PLCL1: variants seen among roughly 807,000 people sequenced by gnomAD.
The protein encoded by PLCL1 is phospholipase C like 1 (inactive), also known as inactive phospholipase C-like protein 1.
A neutral mutation model predicts 84.4 loss-of-function variants in PLCL1; 41 were observed. That is an observed-to-expected ratio of 0.49 (90% confidence interval 0.38 to 0.63). PLCL1 has a LOEUF of 0.63. Ranked by LOEUF, PLCL1 falls within the 30% of genes least tolerant of loss-of-function variation. The probability of loss-of-function intolerance (pLI) is 0.00; values close to 1 mark genes in which losing one functional copy is unlikely to be tolerated. For synonymous variants in PLCL1, 490 were observed against 488.3 expected (o/e 1.00, Z -0.05); for missense variants, 1,206 against 1,367.8 (o/e 0.88, Z 1.87).
At chr2:197,924,716 G>A (rs1333669515) in intron 1 of PLCL1, among the ~76,000 whole-genome samples, 1 of 151,828 alleles carries the variant, frequency 6.6e-6, no homozygotes, top group Non-Finnish European at 1.5e-5. Flanking sequence ...AGCAACAGTT[G>A]AATTTAGCAT....
chr2:197,965,472 G>C (rs1017083927), intron 1 of PLCL1, among the ~76,000 whole-genome samples: 11 of 151,914 alleles, frequency 7.2e-5, no homozygotes, highest in Admixed American at 2.6e-4. Context: ...TCTGGCTAAA[G>C]TTTTGTTGAT....
At chr2:198,107,076 C>T (rs1484092961) in intron 5 of PLCL1, among the ~76,000 whole-genome samples, 1 of 151,836 alleles carries the variant, frequency 6.6e-6, no homozygotes, top group African/African-American at 2.4e-5. Context: ...AATTGTCTCA[C>T]AATTCAGCAT....
intron 1 of PLCL1, among the ~76,000 whole-genome samples, chr2:197,954,006 T>A (rs1348396541): frequency 6.6e-6 from 1 of 152,114 alleles, no homozygotes; most frequent in Non-Finnish European, 1.5e-5. Context: ...AATTTTGCCC[T>A]GTGTGTACAT....
chr2:198,018,745 A>G (rs751483151), intron 1 of PLCL1, among the ~76,000 whole-genome samples: 1 of 152,224 alleles, frequency 6.6e-6, no homozygotes, highest in Non-Finnish European at 1.5e-5. Flanking sequence ...GGGATTATGG[A>G]TAAAACTCCC....
intron 1 of PLCL1, among the ~76,000 whole-genome samples, chr2:198,071,440 T>C (rs1692461934): frequency 6.6e-6 from 1 of 151,894 alleles, no homozygotes; most frequent in African/African-American, 2.4e-5. Flanking sequence ...TCCAGAAAAG[T>C]TGTACAAGTT....
intron 1 of PLCL1, among the ~76,000 whole-genome samples, chr2:197,969,884 G>A (rs1689825818): frequency 6.6e-6 from 1 of 152,174 alleles, no homozygotes; most frequent in African/African-American, 2.4e-5. Context: ...AGAGTCTCCT[G>A]CTGACCTGCA....
intron 3 of PLCL1, among the ~76,000 whole-genome samples, chr2:198,099,308 G>A (rs1056869498): frequency 1.3e-5 from 2 of 151,902 alleles, no homozygotes; most frequent in Non-Finnish European, 2.9e-5. Flanking sequence ...AACTCAAATC[G>A]ACCATTTTTT....
At chr2:198,050,435 TAAGGGAAA>T (rs1438829840) in intron 1 of PLCL1, among the ~76,000 whole-genome samples, 2 of 150,420 alleles carry the variant, frequency 1.3e-5, no homozygotes, top group African/African-American at 2.5e-5. Flanking sequence ...AGGGGAGGAG[TAAGGGAAA>T]AAGGGAAAAG....
At chr2:197,908,984 A>G (rs960795514) in intron 1 of PLCL1, among the ~76,000 whole-genome samples, 4 of 152,216 alleles carry the variant, frequency 2.6e-5, no homozygotes, top group Admixed American at 6.5e-5. Context: ...AAAGTTATAG[A>G]AGAGAGGAGT....
Position 198,086,157 on chromosome 2 carries a change from T to C in PLCL1, c.2640T>C (p.Leu880=). The change falls in exon 2 of 6, where the codon CTT becomes CTC. Residue 880 remains leucine, a synonymous_variant. Transcript: ENST00000428675. ...REYTMLRNIG[L]KTIDDIFKIA... is the part of the protein sequence containing the mutation. ...ATACCATGCTCAGGAATATCGGTCT[T>C]AAAACCATTGATGACATCTTTAAAA... The C allele has an allele frequency of 6.2e-7, 1 of 1,613,912 alleles. No homozygotes were observed. Among genetic ancestry groups the C allele is most frequent in the Non-Finnish European group, 8.5e-7 (1 of 1,179,846 alleles).
intron 1 of PLCL1, among the ~76,000 whole-genome samples, chr2:197,873,576 A>G (rs947884982): frequency 2.6e-5 from 4 of 152,150 alleles, no homozygotes; most frequent in Non-Finnish European, 5.9e-5. Flanking sequence ...CATGCAAATA[A>G]CAGAACCCTT....
intron 1 of PLCL1, among the ~76,000 whole-genome samples, chr2:197,931,934 T>A (rs1018512412): frequency 6.6e-6 from 1 of 152,186 alleles, no homozygotes; most frequent in Non-Finnish European, 1.5e-5. Flanking sequence ...AATTTACATA[T>A]GTATATTCAA....
At chr2:198,049,827 A>C (rs1691885165) in intron 1 of PLCL1, among the ~76,000 whole-genome samples, 1 of 152,238 alleles carries the variant, frequency 6.6e-6, no homozygotes, top group African/African-American at 2.4e-5. Flanking sequence ...TGGGTGAGCC[A>C]GTGCCAGTAA....
chr2:197,958,206 C>A (rs1340835987), intron 1 of PLCL1, among the ~76,000 whole-genome samples: 1 of 151,744 alleles, frequency 6.6e-6, no homozygotes. Context: ...CTTAAATATT[C>A]TATGAATCCA....
chr2:197,983,909 GA>G (rs749726718), intron 1 of PLCL1, among the ~76,000 whole-genome samples: 1 of 152,150 alleles, frequency 6.6e-6, no homozygotes, highest in African/African-American at 2.4e-5. Flanking sequence ...ACATAGCATG[GA>G]ACCCAGCAGC....
At chr2:198,063,461 C>CT (rs1295337190) in intron 1 of PLCL1, among the ~76,000 whole-genome samples, 1 of 152,104 alleles carries the variant, frequency 6.6e-6, no homozygotes, top group East Asian at 1.9e-4. Context: ...TAACTGTTTA[C>CT]TTTGCAAGGA....
intron 1 of PLCL1, among the ~76,000 whole-genome samples, chr2:198,083,242 C>A (rs1294120779): frequency 6.6e-6 from 1 of 152,102 alleles, no homozygotes; most frequent in Non-Finnish European, 1.5e-5. Context: ...TTCAAGACAC[C>A]TTGAAATAGC....
intron 1 of PLCL1, among the ~76,000 whole-genome samples, chr2:197,974,286 G>A (rs936288642): frequency 2.0e-5 from 3 of 152,216 alleles, no homozygotes; most frequent in Non-Finnish European, 4.4e-5. Flanking sequence ...GCTATGGAAA[G>A]TCCTGGGCTG....
At chr2:197,958,750 C>T (rs1277827290) in intron 1 of PLCL1, among the ~76,000 whole-genome samples, 2 of 151,944 alleles carry the variant, frequency 1.3e-5, no homozygotes, top group Non-Finnish European at 2.9e-5. Context: ...TTACCTCATT[C>T]AATCCTCACA....
Sources: gnomAD v4.1 joint callset for allele counts (sites outside exome capture counted in the v4.1 genomes callset) on GRCh38, gnomAD v4.1.1 for gene constraint, MANE v1.5 for transcripts, NCBI Gene and HGNC (gene_info 2026-07-23, HGNC 2026-07-21) for gene names.